TMEM232: variants seen among roughly 807,000 people sequenced by gnomAD.
TMEM232 encodes transmembrane protein 232.
TMEM232 carries 80 observed loss-of-function variants against 78.8 expected under a neutral mutation model. The ratio of observed to expected loss-of-function variants is 1.01; its 90% CI spans 0.85 to 1.22. The LOEUF (loss-of-function observed/expected upper bound fraction) is 1.22. Among genes scored for constraint, TMEM232 ranks in the 50% most tolerant of loss-of-function variants. The pLI is 0.00. For synonymous variants in TMEM232, 297 were observed against 254.3 expected (o/e 1.17, Z -1.60); for missense variants, 881 against 742.2 (o/e 1.19, Z -2.17).
intron 12 of TMEM232, among the ~76,000 whole-genome samples, chr5:110,509,030 A>G (rs1224739176): frequency 2.7e-5 from 4 of 145,872 alleles, no homozygotes; most frequent in Non-Finnish European, 6.0e-5. Context: ...ACAATTATAT[A>G]TACACACACA....
At chr5:110,646,086 A>T (rs1787437823) in intron 2 of TMEM232, among the ~76,000 whole-genome samples, 1 of 151,710 alleles carries the variant, frequency 6.6e-6, no homozygotes, top group South Asian at 2.1e-4. Flanking sequence ...AAGACCTGTA[A>T]AAAACAAAGA....
intron 10 of TMEM232, among the ~76,000 whole-genome samples, chr5:110,604,257 T>C (rs1781277687): frequency 1.3e-5 from 2 of 152,108 alleles, no homozygotes; most frequent in African/African-American, 4.8e-5. Flanking sequence ...AAAAGACTAC[T>C]TTGAGTTAAC....
intron 2 of TMEM232, among the ~76,000 whole-genome samples, chr5:110,661,499 G>A (rs1789792658): frequency 6.6e-6 from 1 of 151,962 alleles, no homozygotes; most frequent in African/African-American, 2.4e-5. Flanking sequence ...TTTTTGTAGA[G>A]GCGGGTTTTG....
At position 110,628,140 on chromosome 5, in the gene TMEM232, T is replaced by G. The variant is rs1201638869; in HGVS notation, c.502-260A>C. Among the ~76,000 whole-genome samples the G allele has an allele frequency of 2.6e-5, 4 of 152,108 alleles. No individual in the cohort carries two copies. The East Asian group carries it at 7.7e-4, about 29-fold the overall frequency. ...AAATGTTATTTTGTTCTATGCCCTT[T>G]AGAACAGTGTTTTTCAAATTTCAAG... On this transcript the variant is annotated intron_variant, in intron 5 of 13. Coordinates refer to ENST00000455884, the MANE Select transcript of TMEM232 (RefSeq NM_001039763.4).
chr5:110,426,674 A>G (rs1044511797), intron 12 of TMEM232, among the ~76,000 whole-genome samples: 1 of 152,006 alleles, frequency 6.6e-6, no homozygotes, highest in Non-Finnish European at 1.5e-5. Flanking sequence ...TGTGGGAGAA[A>G]AGCACTGAGC....
intron 10 of TMEM232, among the ~76,000 whole-genome samples, chr5:110,599,233 C>T (rs1780576915): frequency 6.6e-6 from 1 of 152,180 alleles, no homozygotes; most frequent in South Asian, 2.1e-4. Context: ...AATATAAAGA[C>T]CAATGACACT....
At chr5:110,671,560 A>G (rs556904194) in intron 1 of TMEM232, among the ~76,000 whole-genome samples, 2 of 152,348 alleles carry the variant, frequency 1.3e-5, no homozygotes, top group African/African-American at 2.4e-5. Context: ...ATGGAATACT[A>G]TGCAGACATA....
At chr5:110,514,879 G>A (rs1377278822) in intron 12 of TMEM232, among the ~76,000 whole-genome samples, 1 of 152,108 alleles carries the variant, frequency 6.6e-6, no homozygotes, top group African/African-American at 2.4e-5. Flanking sequence ...AAATTAAGTA[G>A]AGAGGTTCAA....
intron 11 of TMEM232, among the ~76,000 whole-genome samples, chr5:110,532,056 G>A (rs557922940): frequency 1.3e-5 from 2 of 152,114 alleles, no homozygotes; most frequent in African/African-American, 4.8e-5. Flanking sequence ...ACTTCCAAAC[G>A]CCTGAACTGC....
In TMEM232 at chr5:110,535,087, G is replaced by A. The variant is rs138523384; in HGVS notation, c.1456-6252C>T. On this transcript the variant is annotated intron_variant, in intron 11 of 13. Coordinates refer to ENST00000455884, the MANE Select transcript of TMEM232 (RefSeq NM_001039763.4). ...TGTCCCAACACTTTACCACTATTTC[G>A]TTTTTTCTTATTAATATAAGAAGAT... Among the ~76,000 whole-genome samples the A allele has an allele frequency of 6.4e-3, 973 of 151,898 alleles. 19 individuals are homozygous for A. The highest frequency in any genetic ancestry group is 0.022 in the African/African-American group (895 of 41,388).
intron 1 of TMEM232, among the ~76,000 whole-genome samples, chr5:110,668,276 C>A (rs1790869847): frequency 6.6e-6 from 1 of 151,966 alleles, no homozygotes; most frequent in Non-Finnish European, 1.5e-5. Context: ...GAAGATAGAC[C>A]AAGACAGAAC....
intron 12 of TMEM232, among the ~76,000 whole-genome samples, chr5:110,464,640 G>A (rs1488602): frequency 0.17 from 25,097 of 152,052 alleles, 2,756 homozygotes; most frequent in East Asian, 0.42. Context: ...TTTATATAAC[G>A]AGGGAAATTT....
intron 3 of TMEM232, among the ~76,000 whole-genome samples, chr5:110,392,485 G>A (rs1755235829): frequency 6.6e-6 from 1 of 152,146 alleles, no homozygotes. Flanking sequence ...TTTAAACAAT[G>A]GAAATTTATT....
intron 2 of TMEM232, among the ~76,000 whole-genome samples, chr5:110,665,399 G>C (rs1313884368): frequency 6.6e-6 from 1 of 152,110 alleles, no homozygotes; most frequent in Non-Finnish European, 1.5e-5. Flanking sequence ...TACGACTTGA[G>C]ACTGGGTAAT....
chr5:110,593,031 T>C (rs900297508), intron 10 of TMEM232, among the ~76,000 whole-genome samples: 10 of 152,168 alleles, frequency 6.6e-5, no homozygotes, highest in Non-Finnish European at 1.0e-4. Flanking sequence ...TTCTTGGATG[T>C]CATACCAAAC....
chr5:110,425,732 C>T (rs564060153), intron 12 of TMEM232, among the ~76,000 whole-genome samples: 1 of 152,182 alleles, frequency 6.6e-6, no homozygotes, highest in South Asian at 2.1e-4. Flanking sequence ...CTTCCCGAGG[C>T]CAAGCCACCA....
Position 110,434,706 on chromosome 5 carries a change from C to A in TMEM232, c.1704-9790G>T, listed in dbSNP as rs1200074253. On this transcript the variant is annotated intron_variant, in intron 12 of 13. Transcript: ENST00000455884. ...TGAACATAGATAGAAAAATCCTCAG[C>A]AAAATACTAGCAAACCAAATGCGGC... 2.6e-5 allele frequency among the ~76,000 whole-genome samples: 4 copies of A among 152,122 alleles called. No homozygotes were observed. The East Asian group carries it at 7.7e-4, about 29-fold the overall frequency.
chr5:110,387,745 A>C (rs1755041143), intron 5 of TMEM232: 1 of 152,214 alleles, frequency 6.6e-6, no homozygotes, highest in Middle Eastern at 3.2e-3. Context: ...AAAATTGTAC[A>C]GCATACTGTG....
At chr5:110,610,199 CAAGG>C (rs200771122) in intron 8 of TMEM232, among the ~76,000 whole-genome samples, 2,793 of 48,914 alleles carry the variant, frequency 0.057, 66 homozygotes, top group African/African-American at 0.12. Flanking sequence ...AAGGAAGGAA[CAAGG>C]AAGGAAGGAA....
Sources: gnomAD v4.1 joint callset for allele counts (sites outside exome capture counted in the v4.1 genomes callset) on GRCh38, gnomAD v4.1.1 for gene constraint, MANE v1.5 for transcripts, NCBI Gene and HGNC (gene_info 2026-07-23, HGNC 2026-07-21) for gene names.